The following EVI5 variants were observed in gnomAD, a reference collection of about 807,000 sequenced individuals.
EVI5 encodes the protein ecotropic viral integration site 5 protein homolog.
A neutral mutation model predicts 112.0 loss-of-function variants in EVI5; 73 were observed. The observed-to-expected ratio is 0.65, with a 90% CI of 0.54 to 0.79. The LOEUF is 0.79. Ranked by LOEUF, EVI5 falls within the 30% of genes least tolerant of loss-of-function variation. The probability of loss-of-function intolerance (pLI) is 0.00; values close to 1 mark genes in which losing one functional copy is unlikely to be tolerated. For missense variants in EVI5, 900 were observed against 968.8 expected (o/e 0.93, Z 0.94); for synonymous variants, 305 against 319.9 (o/e 0.95, Z 0.50).
At chr1:92,621,662 C>A (rs1654623100) in intron 16 of EVI5, among the ~76,000 whole-genome samples, 1 of 152,108 alleles carries the variant, frequency 6.6e-6, no homozygotes, top group East Asian at 1.9e-4. Context: ...TAAAATTGAC[C>A]TCCCTCAAGT....
intron 9 of EVI5, among the ~76,000 whole-genome samples, chr1:92,680,657 T>TA (rs1192352068): frequency 6.6e-6 from 1 of 152,196 alleles, no homozygotes; most frequent in Non-Finnish European, 1.5e-5. Context: ...ATAATAACTT[T>TA]ACAGTAGTAA....
chr1:92,643,633 T>C (rs1660405667), intron 13 of EVI5, among the ~76,000 whole-genome samples: 1 of 152,164 alleles, frequency 6.6e-6, no homozygotes, highest in Non-Finnish European at 1.5e-5. Flanking sequence ...CAGCGTAAAA[T>C]GGAAGCAGTG....
intron 19 of EVI5, among the ~76,000 whole-genome samples, chr1:92,557,237 T>C (rs1466345309): frequency 6.6e-6 from 1 of 151,284 alleles, no homozygotes; most frequent in Non-Finnish European, 1.5e-5. Flanking sequence ...AAATAGTTCT[T>C]TTTTTTTTCC....
At chr1:92,664,736 G>T (rs958546086) in intron 11 of EVI5, among the ~76,000 whole-genome samples, 1 of 152,222 alleles carries the variant, frequency 6.6e-6, no homozygotes, top group Admixed American at 6.5e-5. Context: ...CTGTCCTTAC[G>T]CACTTCTATT....
chr1:92,548,531 A>C (rs901286312), intron 19 of EVI5, among the ~76,000 whole-genome samples: 4 of 152,198 alleles, frequency 2.6e-5, no homozygotes, highest in African/African-American at 7.2e-5. Context: ...AAGGGTATTC[A>C]ATTAGGAAAA....
chr1:92,738,706 T>TA (rs1179406114), intron 1 of EVI5, among the ~76,000 whole-genome samples: 1 of 152,158 alleles, frequency 6.6e-6, no homozygotes, highest in Non-Finnish European at 1.5e-5. Context: ...TAAATATAGT[T>TA]AGAGTATTTA....
intron 19 of EVI5, among the ~76,000 whole-genome samples, chr1:92,538,994 G>A (rs564877151): frequency 6.6e-6 from 1 of 152,312 alleles, no homozygotes; most frequent in South Asian, 2.1e-4. Flanking sequence ...GGTTATGGGT[G>A]AGTCACTGAG....
At chr1:92,771,988 G>A (rs1463372861) in intron 1 of EVI5, among the ~76,000 whole-genome samples, 1 of 151,894 alleles carries the variant, frequency 6.6e-6, no homozygotes, top group African/African-American at 2.4e-5. Context: ...CTGAGTAACT[G>A]GGATTACAGG....
chr1:92,604,703 T>C (rs1420272721), intron 18 of EVI5, among the ~76,000 whole-genome samples: 1 of 152,232 alleles, frequency 6.6e-6, no homozygotes, highest in East Asian at 1.9e-4. Context: ...TACACAACTG[T>C]ACGTGCTACA....
chr1:92,770,730 C>T (rs1242407230), intron 1 of EVI5, among the ~76,000 whole-genome samples: 15 of 151,296 alleles, frequency 9.9e-5, no homozygotes, highest in Non-Finnish European at 2.2e-4. Flanking sequence ...GTGGAGGTTG[C>T]AGTGAGCCGA....
chr1:92,531,036 T>C lies in EVI5; in HGVS notation c.2167-17066A>G, dbSNP rs577669857. 2.3e-4 allele frequency among the ~76,000 whole-genome samples: 35 copies of C among 151,888 alleles called. No individual in the cohort carries two copies. In the South Asian group the frequency reaches 3.9e-3, roughly 17 times the overall value. On this transcript the variant is annotated intron_variant, in intron 19 of 19. Transcript: ENST00000684568. Reference sequence around the variant, plus strand: ...ACCCAATGCAATGAAGCTAAGAACCTTGAAAAAAGGTCAGATGAATTGCGA... The same window carrying C: ...ACCCAATGCAATGAAGCTAAGAACCCTGAAAAAAGGTCAGATGAATTGCGA...
At chr1:92,562,598 T>TTG (rs1668803386) in intron 19 of EVI5, among the ~76,000 whole-genome samples, 1 of 152,232 alleles carries the variant, frequency 6.6e-6, no homozygotes, top group Admixed American at 6.5e-5. Context: ...ATCCCTCATA[T>TTG]GTTATCATGG....
At chr1:92,548,220 T>C (rs1212867481) in intron 19 of EVI5, among the ~76,000 whole-genome samples, 2 of 152,176 alleles carry the variant, frequency 1.3e-5, no homozygotes, top group South Asian at 2.1e-4. Context: ...TGTAATCCAG[T>C]ATATAAACAG....
At chr1:92,622,588 A>T (rs1271170197) in intron 16 of EVI5, among the ~76,000 whole-genome samples, 1 of 152,198 alleles carries the variant, frequency 6.6e-6, no homozygotes, top group Non-Finnish European at 1.5e-5. Flanking sequence ...ATCTAAATAC[A>T]TGGGTGTTTG....
chr1:92,596,776 T>C (rs1647999904), intron 18 of EVI5, among the ~76,000 whole-genome samples: 1 of 152,144 alleles, frequency 6.6e-6, no homozygotes, highest in Non-Finnish European at 1.5e-5. Flanking sequence ...TAATTCTTAA[T>C]TTCAGGCTTT....
At chr1:92,580,544 C>T (rs1484232842) in intron 18 of EVI5, 1 of 171,250 alleles carries the variant, frequency 5.8e-6, no homozygotes. Flanking sequence ...TCTTGTATCA[C>T]CTCTTGTAAG....
chr1:92,602,139 A>G (rs1046631797), intron 18 of EVI5, among the ~76,000 whole-genome samples: 1 of 152,178 alleles, frequency 6.6e-6, no homozygotes, highest in Non-Finnish European at 1.5e-5. Context: ...TCAAAAAATG[A>G]AGTTATAATA....
At chr1:92,763,648 T>C (rs1469378267) in intron 1 of EVI5, among the ~76,000 whole-genome samples, 1 of 151,812 alleles carries the variant, frequency 6.6e-6, no homozygotes, top group African/African-American at 2.4e-5. Flanking sequence ...TTTAAACATT[T>C]GGGGCTGGAC....
intron 1 of EVI5, among the ~76,000 whole-genome samples, chr1:92,750,457 C>A (rs1680002824): frequency 6.6e-6 from 1 of 152,122 alleles, no homozygotes; most frequent in African/African-American, 2.4e-5. Flanking sequence ...AAAACTAAAA[C>A]TAACACTTTC....
Sources: gnomAD v4.1 joint callset for allele counts (sites outside exome capture counted in the v4.1 genomes callset) on GRCh38, gnomAD v4.1.1 for gene constraint, MANE v1.5 for transcripts, NCBI Gene and HGNC (gene_info 2026-07-23, HGNC 2026-07-21) for gene names.